Variants in ZNF710 observed in about 807,000 individuals in gnomAD.
ZNF710 encodes the protein zinc finger protein 710.
Under a neutral mutation model 50.6 loss-of-function variants are expected in ZNF710, and 13 were observed. The ratio of observed to expected loss-of-function variants is 0.26; its 90% CI spans 0.17 to 0.41. The LOEUF (loss-of-function observed/expected upper bound fraction) is 0.41, where lower values mean the gene tolerates loss of function less well. Ranked by LOEUF, ZNF710 falls within the 10% of genes least tolerant of loss-of-function variation. The pLI is 1.00. For synonymous variants in ZNF710, 383 were observed against 397.0 expected, an observed-to-expected ratio of 0.96 and a Z score of 0.42; for missense variants, 721 against 936.6, an observed-to-expected ratio of 0.77 and a Z score of 3.01.
Position 90,079,722 on chromosome 15 carries a change from G to A in ZNF710, c.1888G>A (p.Asp630Asn). ...SELDGQQEME[D>N]FEENAYSYAS... ...GCTCGACGGCCAGCAGGAGATGGAG[G>A]ACTTCGAGGAGAACGCCTACAGCTA... is the stretch of plus-strand genomic sequence containing the variant. The change falls in exon 5 of 5, where the codon GAC becomes AAC. Residue 630 changes from aspartate (D) to asparagine (N), a missense_variant. Asp to Asn is a conservative substitution (Grantham distance 23). Transcript: ENST00000268154. 1 of 1,613,962 alleles carries A rather than the reference G, an allele frequency of 6.2e-7. No homozygotes were observed. Among genetic ancestry groups the A allele is most frequent in the Non-Finnish European group, 8.5e-7 (1 of 1,179,938 alleles).
At chr15:90,004,420 G>T (rs980964281) in intron 1 of ZNF710, among the ~76,000 whole-genome samples, 2 of 152,206 alleles carry the variant, frequency 1.3e-5, no homozygotes, top group African/African-American at 4.8e-5. Flanking sequence ...GATGCTTGGC[G>T]CAGGCTCATA....
At chr15:90,001,736 C>T (rs1053737834) in intron 1 of ZNF710, 122 bp downstream of exon 1, 2 of 144,822 alleles carry the variant, frequency 1.4e-5, no homozygotes, top group Non-Finnish European at 3.1e-5. Flanking sequence ...CGACCCGCCC[C>T]CCGCCTCTCC....
intron 1 of ZNF710, among the ~76,000 whole-genome samples, chr15:90,017,659 C>A (rs1033845209): frequency 1.3e-5 from 2 of 151,898 alleles, no homozygotes; most frequent in African/African-American, 2.4e-5. Flanking sequence ...ATCCTGTCCA[C>A]TTTTGTTTGG....
At chr15:90,033,884 T>A (rs1899023653) in intron 1 of ZNF710, among the ~76,000 whole-genome samples, 1 of 152,150 alleles carries the variant, frequency 6.6e-6, no homozygotes, top group Non-Finnish European at 1.5e-5. Flanking sequence ...CCACTGACTT[T>A]CTTTCTTTGC....
At chr15:90,066,094 A>C (rs944018347) in intron 1 of ZNF710, among the ~76,000 whole-genome samples, 1 of 152,246 alleles carries the variant, frequency 6.6e-6, no homozygotes, top group Non-Finnish European at 1.5e-5. Context: ...GTATAAATTT[A>C]GATATTTAAA....
chr15:90,030,766 C>T lies in ZNF710; in HGVS notation c.-29+29152C>T, dbSNP rs557222703. 2.2e-4 allele frequency among the ~76,000 whole-genome samples: 33 copies of T among 151,990 alleles called. No individual in the cohort carries two copies. In the East Asian group the frequency reaches 6.2e-3, roughly 28 times the overall value. ...GCGCGGTGGCTCACGCCTGTAATCC[C>T]AGCTCTTTGGGAGGCCGAGGCAGGC... is the stretch of plus-strand genomic sequence containing the variant. On this transcript the variant is annotated intron_variant, in intron 1 of 4. Coordinates refer to ENST00000268154, the MANE Select transcript of ZNF710 (RefSeq NM_198526.4).
chr15:90,012,290 ATTTTTTTTTT>A (rs1026567607), intron 1 of ZNF710, among the ~76,000 whole-genome samples: 10 of 94,524 alleles, frequency 1.1e-4, no homozygotes, highest in South Asian at 3.5e-4. Context: ...TTGAGTGTGC[ATTTTTTTTTT>A]TTTTTTTTTT....
rs149865227 is a variant in ZNF710, at chr15:90,070,055, A to G, written c.1458+1460A>G. Among the ~76,000 whole-genome samples, 571 of 152,306 alleles carry G rather than the reference A, an allele frequency of 3.7e-3. 1 individual carries two copies. Among genetic ancestry groups the G allele is most frequent in the Non-Finnish European group, 4.1e-3 (282 of 68,026 alleles). ...GGCCTATGAGTGATACTCCAGGTCA[A>G]ACTTGTGACCCTGTCTCTCACGGTA... On this transcript the variant is annotated intron_variant, in intron 2 of 4. Transcript: ENST00000268154.
intron 1 of ZNF710, among the ~76,000 whole-genome samples, chr15:90,053,539 A>T (rs1899712006): frequency 6.6e-6 from 1 of 151,968 alleles, no homozygotes; most frequent in South Asian, 2.1e-4. Context: ...GGGGTTTCAC[A>T]ATGTTGCCCA....
At chr15:90,049,459 A>G (rs914832189) in intron 1 of ZNF710, among the ~76,000 whole-genome samples, 1 of 152,110 alleles carries the variant, frequency 6.6e-6, no homozygotes, top group African/African-American at 2.4e-5. Flanking sequence ...CTTGTTTTAT[A>G]ATCATCCCCT....
At chr15:90,041,864 A>T (rs1899303463) in intron 1 of ZNF710, among the ~76,000 whole-genome samples, 1 of 150,384 alleles carries the variant, frequency 6.6e-6, no homozygotes, top group African/African-American at 2.4e-5. Flanking sequence ...GCTAGGTTAA[A>T]TATCTGCCCC....
intron 1 of ZNF710, among the ~76,000 whole-genome samples, chr15:90,042,755 T>C (rs1235661232): frequency 6.6e-6 from 1 of 152,138 alleles, no homozygotes; most frequent in African/African-American, 2.4e-5. Flanking sequence ...CTGAGGGCTG[T>C]GTGTGGGCAT....
intron 1 of ZNF710, among the ~76,000 whole-genome samples, chr15:90,009,806 A>T (rs1244490592): frequency 2.0e-5 from 3 of 151,650 alleles, no homozygotes; most frequent in Non-Finnish European, 4.4e-5. Context: ...TGCCAGCTCA[A>T]CAACAGTGGA....
chr15:90,015,516 A>G (rs1335991692), intron 1 of ZNF710, among the ~76,000 whole-genome samples: 2 of 152,206 alleles, frequency 1.3e-5, no homozygotes, highest in East Asian at 3.8e-4. Flanking sequence ...TTGTAAAAGG[A>G]AAAGAGAAAG....
chr15:90,079,339 G>A (rs1187109795), intron 4 of ZNF710, among the ~76,000 whole-genome samples: 1 of 152,206 alleles, frequency 6.6e-6, no homozygotes, highest in East Asian at 1.9e-4. Flanking sequence ...GGGATAAGTA[G>A]GGCTTAGTGA....
Position 90,067,409 on chromosome 15 carries a change from G to A in ZNF710, c.272G>A (p.Cys91Tyr). 1 of 1,600,652 alleles carries A rather than the reference G, an allele frequency of 6.2e-7. No homozygotes were observed. The highest frequency in any genetic ancestry group is 8.5e-7 in the Non-Finnish European group (1 of 1,173,326). Residue 91 changes from cysteine to tyrosine, a missense_variant, in exon 2 of 5, where the codon TGT becomes TAT. This residue lies in a region of ZNF710 where 326 missense variants were observed against 347.1 expected (regional missense o/e 0.94). Transcript: ENST00000268154. This position sits in a 1 kb window ranked among gnomAD's most constrained non-coding sequence, Gnocchi z 8.1. ...GAGGTGCTGGAGGTGGAGGCAGCCT[G>A]TGAGAAGCACACCCGGCGGAAGACG... ...EEEVLEVEAA[C>Y]EKHTRRKTRP...
chr15:90,059,187 C>T lies in ZNF710; in HGVS notation c.-28-7923C>T, dbSNP rs112810530. On this transcript the variant is annotated intron_variant, in intron 1 of 4. Transcript: ENST00000268154. The surrounding 1 kb of genome is among the most constrained non-coding windows in gnomAD (Gnocchi z 4.1). ...AAGATGATGGGAAATTCACCCAGTT[C>T]GAGGGAAGGGCAGTCCTGGCAGGGG... 9.7e-3 allele frequency among the ~76,000 whole-genome samples: 1,472 copies of T among 152,272 alleles called. 21 individuals are homozygous for T. The highest frequency in any genetic ancestry group is 0.033 in the African/African-American group (1,372 of 41,546).
At chr15:90,050,977 G>A (rs1899623683) in intron 1 of ZNF710, among the ~76,000 whole-genome samples, 1 of 152,164 alleles carries the variant, frequency 6.6e-6, no homozygotes, top group African/African-American at 2.4e-5. Flanking sequence ...CGTGGCTCAC[G>A]CCTGTAATCC....
chr15:90,053,896 C>T (rs937750440), intron 1 of ZNF710, among the ~76,000 whole-genome samples: 25 of 151,950 alleles, frequency 1.6e-4, no homozygotes, highest in Non-Finnish European at 1.2e-4. Context: ...GGCAGGGGTC[C>T]GTTCTGGGGT....
Sources: gnomAD v4.1 joint callset for allele counts (sites outside exome capture counted in the v4.1 genomes callset) on GRCh38, gnomAD v4.1.1 for gene constraint, gnomAD v4.1.1 regional missense constraint, Gnocchi (gnomAD v3.1) non-coding constraint, MANE v1.5 for transcripts, NCBI Gene and HGNC (gene_info 2026-07-23, HGNC 2026-07-21) for gene names.